Variants in IL10RB observed in about 807,000 individuals in gnomAD.
IL10RB encodes interleukin 10 receptor subunit beta, also known as interleukin-10 receptor subunit beta.
A neutral mutation model predicts 38.7 loss-of-function variants in IL10RB; 30 were observed. The ratio of observed to expected loss-of-function variants is 0.78; its 90% CI spans 0.58 to 1.05. IL10RB has a LOEUF of 1.05. IL10RB is among the 50% of genes least tolerant of loss of function. The pLI is 0.00. For missense variants in IL10RB, 328 were observed against 397.1 expected, an observed-to-expected ratio of 0.83 and a Z score of 1.48; for synonymous variants, 142 against 145.9, an observed-to-expected ratio of 0.97 and a Z score of 0.19.
At chr21:33,269,682 G>A (rs1374922447) in intron 2 of IL10RB, among the ~76,000 whole-genome samples, 4 of 143,782 alleles carry the variant, frequency 2.8e-5, no homozygotes, top group Non-Finnish European at 6.0e-5. Flanking sequence ...TTTATGAGAC[G>A]GAGTCTCGCT....
At chr21:33,289,930 T>C (rs1175351623) in intron 6 of IL10RB, among the ~76,000 whole-genome samples, 1 of 152,142 alleles carries the variant, frequency 6.6e-6, no homozygotes, top group Admixed American at 6.5e-5. Context: ...CTGGCTAACA[T>C]GGTGAAACCC....
intron 5 of IL10RB, among the ~76,000 whole-genome samples, chr21:33,286,363 G>A (rs886335519): frequency 4.6e-5 from 7 of 152,172 alleles, no homozygotes; most frequent in Admixed American, 2.6e-4. Context: ...TGCTGTGCTC[G>A]TGAGGGCGGT....
chr21:33,283,041 G>T, intron 4 of IL10RB, 53 bp from the exon 5 acceptor site: 2 of 1,368,298 alleles, frequency 1.5e-6, no homozygotes, highest in South Asian at 1.2e-5. Flanking sequence ...AAAAAAAAAA[G>T]GTGGTGCCCT....
At chr21:33,279,387 TAA>T (rs888702854) in intron 3 of IL10RB, among the ~76,000 whole-genome samples, 7 of 151,650 alleles carry the variant, frequency 4.6e-5, no homozygotes, top group Non-Finnish European at 8.8e-5. Flanking sequence ...AAAAAGGAAA[TAA>T]AATTCAAGCC....
chr21:33,308,237 C>G (rs1393272177), intron 1 of IL10RB: 1 of 152,136 alleles, frequency 6.6e-6, no homozygotes, highest in Non-Finnish European at 1.5e-5. Flanking sequence ...CCACAAATTC[C>G]CAAAGGAACC....
At chr21:33,288,379 G>A (rs8178523) in intron 6 of IL10RB, 118 bp downstream of exon 6, 6,881 of 651,700 alleles carry the variant, frequency 0.011, 34 homozygotes, top group East Asian at 0.014. Flanking sequence ...ACACGCGCGC[G>A]CGCACACACA....
At chr21:33,303,729 G>A (rs1050742050) in intron 1 of IL10RB, among the ~76,000 whole-genome samples, 28 of 152,220 alleles carry the variant, frequency 1.8e-4, no homozygotes, top group Non-Finnish European at 3.8e-4. Flanking sequence ...ACACCCATGA[G>A]AGAAGGCCTG....
At chr21:33,279,079 T>G (rs904934156) in intron 3 of IL10RB, among the ~76,000 whole-genome samples, 1 of 152,224 alleles carries the variant, frequency 6.6e-6, no homozygotes, top group Non-Finnish European at 1.5e-5. Flanking sequence ...AGATACATAT[T>G]ACATGACAGG....
intron 5 of IL10RB, among the ~76,000 whole-genome samples, chr21:33,287,342 G>GTTTA (rs1202698128): frequency 2.3e-4 from 9 of 39,042 alleles, no homozygotes; most frequent in African/African-American, 2.1e-3. Context: ...TAGTGCAGGG[G>GTTTA]TTTGTTTGTT....
exon 2 of IL10RB, chr21:33,309,801 C>T (rs904402087): frequency 6.6e-6 from 1 of 152,212 alleles, no homozygotes; most frequent in Non-Finnish European, 1.5e-5. Context: ...ATTCTCATTA[C>T]ATGTTGCATT....
chr21:33,277,674 T>TC (rs1989200950), intron 3 of IL10RB, among the ~76,000 whole-genome samples: 2 of 140,602 alleles, frequency 1.4e-5, no homozygotes, highest in African/African-American at 5.3e-5. Context: ...CTTTCTTTTT[T>TC]TTTTTTTTTT....
rs8178471 is a variant in IL10RB at position 33,275,957 on chromosome 21, TA to T, written c.174-637del. 5.9e-3 allele frequency among the ~76,000 whole-genome samples: 893 copies of T among 152,282 alleles called. 12 individuals are homozygous for T. The highest frequency in any genetic ancestry group is 0.021 in the African/African-American group (854 of 41,532). On this transcript the variant is annotated intron_variant, in intron 2 of 6. Transcript: ENST00000290200. The stretch of plus-strand genomic sequence containing the variant: ...TGATCACAGATCACCATAACACATA[TA>T]ATCATGATGAAAAGTTTTGAAATAT...
rs1427524440 is a variant in IL10RB, at chr21:33,288,225, C to T, written c.768C>T (p.Phe256=). 4.3e-6 allele frequency: 7 copies of T among 1,613,992 alleles called. No individual in the cohort carries two copies. The highest frequency in any genetic ancestry group is 1.6e-4 in the Middle Eastern group (1 of 6,084). ...TTTACAAGAAGACAAAGTACGCCTT[C>T]TCCCCTAGGAATTCTCTTCCACAGC... ...WCVYKKTKYA[F]SPRNSLPQHL... The change falls in exon 6 of 7, where the codon TTC becomes TTT. Residue 256 remains phenylalanine, a synonymous_variant. Transcript: ENST00000290200.
intron 1 of IL10RB, among the ~76,000 whole-genome samples, 186 bp downstream of exon 1, chr21:33,266,700 C>T (rs1243846296): frequency 6.6e-6 from 1 of 152,244 alleles, no homozygotes. Context: ...GATTCTGTAA[C>T]AGGAGAAAGC....
intron 5 of IL10RB, among the ~76,000 whole-genome samples, chr21:33,284,725 G>A (rs147279738): frequency 3.9e-5 from 6 of 152,158 alleles, no homozygotes; most frequent in Admixed American, 1.3e-4. Context: ...GAGACCTGGC[G>A]GTTTAAAAGT....
exon 2 of IL10RB, chr21:33,309,911 C>T (rs1347698522): frequency 2.0e-5 from 3 of 152,074 alleles, no homozygotes; most frequent in African/African-American, 7.2e-5. Flanking sequence ...AACCCTAATC[C>T]CCAATGTGAC....
intron 1 of IL10RB, among the ~76,000 whole-genome samples, chr21:33,303,754 GA>G (rs2082991723): frequency 6.6e-6 from 1 of 152,174 alleles, no homozygotes. Flanking sequence ...CCCTGGAAAG[GA>G]CACAAGAGAA....
At chr21:33,268,759 A>G (rs923427009) in intron 2 of IL10RB, among the ~76,000 whole-genome samples, 1 of 152,216 alleles carries the variant, frequency 6.6e-6, no homozygotes, top group Non-Finnish European at 1.5e-5. Context: ...CTGCTGGCAG[A>G]TACAGACATT....
chr21:33,307,640 G>A (rs1045105969), intron 1 of IL10RB, among the ~76,000 whole-genome samples: 1 of 152,162 alleles, frequency 6.6e-6, no homozygotes, highest in African/African-American at 2.4e-5. Context: ...ATCTGTCTCA[G>A]AGCCCGTGCA....
Sources: gnomAD v4.1 joint callset for allele counts (sites outside exome capture counted in the v4.1 genomes callset) on GRCh38, gnomAD v4.1.1 for gene constraint, MANE v1.5 for transcripts, NCBI Gene and HGNC (gene_info 2026-07-23, HGNC 2026-07-21) for gene names.